The following NTN1 variants were observed in gnomAD, a reference collection of about 807,000 sequenced individuals.
NTN1 encodes the protein netrin 1, also known as netrin-1.
NTN1 carries 11 observed loss-of-function variants against 54.2 expected under a neutral mutation model. That is an observed-to-expected ratio of 0.20 (90% CI 0.13 to 0.34). The LOEUF (loss-of-function observed/expected upper bound fraction) is 0.34, where lower values mean the gene tolerates loss of function less well. Among genes scored for constraint, NTN1 ranks in the 10% least tolerant of loss-of-function variants. The pLI, the probability that NTN1 is intolerant of heterozygous loss-of-function variation, is 1.00. For missense variants in NTN1, 740 were observed against 893.1 expected (o/e 0.83, Z 2.18); for synonymous variants, 371 against 382.0 (o/e 0.97, Z 0.33).
Position 9,023,042 on chromosome 17 carries a change from G to T in NTN1, c.669G>T (p.Leu223=). Residue 223 remains leucine (L), a synonymous_variant, in exon 2 of 7, where the codon CTG becomes CTT. Transcript: ENST00000173229. The stretch of plus-strand genomic sequence containing the variant: ...GCGGCCTCATCGCCTTCAGCACGCT[G>T]GACGGGCGGCCCTCGGCGCACGACT... The part of the protein sequence containing the change: ...LSGGLIAFST[L]DGRPSAHDFD... 6.3e-7 allele frequency: 1 copy of T among 1,591,820 alleles called. No homozygotes were observed. The highest frequency in any genetic ancestry group is 8.5e-7 in the Non-Finnish European group (1 of 1,170,770).
chr17:9,081,051 G>A (rs1422992277), intron 2 of NTN1, among the ~76,000 whole-genome samples: 5 of 152,206 alleles, frequency 3.3e-5, no homozygotes, highest in Admixed American at 3.3e-4. Flanking sequence ...TTGGTCAGAA[G>A]CACAAGTAAA....
intron 6 of NTN1, among the ~76,000 whole-genome samples, chr17:9,226,646 G>A (rs1006010851): frequency 2.0e-5 from 3 of 152,126 alleles, no homozygotes; most frequent in African/African-American, 7.2e-5. Flanking sequence ...GAGGAGAGCC[G>A]CCAGGGAGGC....
At chr17:9,140,006 G>T (rs2092292942) in intron 2 of NTN1, among the ~76,000 whole-genome samples, 1 of 151,556 alleles carries the variant, frequency 6.6e-6, no homozygotes, top group Admixed American at 6.6e-5. Context: ...TTACTCTGTG[G>T]TCCACTCTTA....
At chr17:9,160,379 A>G (rs1000505787) in intron 2 of NTN1, among the ~76,000 whole-genome samples, 2 of 152,188 alleles carry the variant, frequency 1.3e-5, no homozygotes, top group African/African-American at 4.8e-5. Flanking sequence ...TGCTGGGATT[A>G]TAGCTGTGAG....
At chr17:9,095,933 G>A (rs71371889) in intron 2 of NTN1, among the ~76,000 whole-genome samples, 27,429 of 151,878 alleles carry the variant, frequency 0.18, 2,643 homozygotes, top group Non-Finnish European at 0.21. Flanking sequence ...CCGAGTAGCT[G>A]GGATTACAGG....
At chr17:9,119,586 ACTCCTGGGCGTAAATGATC>A (rs71361862) in intron 2 of NTN1, among the ~76,000 whole-genome samples, 9,405 of 152,014 alleles carry the variant, frequency 0.062, 405 homozygotes, top group Non-Finnish European at 0.095. Flanking sequence ...GCAGCCTCAA[ACTCCTGGGCGTAAATGATC>A]CTCCTGCTTC....
intron 2 of NTN1, among the ~76,000 whole-genome samples, chr17:9,076,881 G>T (rs972593305): frequency 2.6e-5 from 4 of 152,222 alleles, no homozygotes; most frequent in African/African-American, 4.8e-5. Context: ...TGTCCCTGAG[G>T]ACTCAGCCCC....
In NTN1 at chr17:9,239,647, G is replaced by T. The variant is rs748416143; in HGVS notation, c.1494G>T (p.Gln498His). The change falls in exon 7 of 7, where the codon CAG becomes CAT. Residue 498 changes from glutamine (Q) to histidine (H), a missense_variant. Gln to His is a conservative substitution (Grantham distance 24). Coordinates refer to ENST00000173229, the MANE Select transcript of NTN1 (RefSeq NM_004822.3). This position sits in a 1 kb window ranked among gnomAD's most constrained non-coding sequence, Gnocchi z 5.2. ...GCCTGTGCTTCCTTGCAGCCGTCCA[G>T]ATCCACATCCTGAAGGCGGACAAGG... Reference protein sequence around the residue: ...KKYCKKDYAVQIHILKADKAG... With the variant: ...KKYCKKDYAVHIHILKADKAG... The T allele has an allele frequency of 4.4e-6, 7 of 1,608,598 alleles. No individual in the cohort carries two copies. The highest frequency in any genetic ancestry group is 6.0e-6 in the Non-Finnish European group (7 of 1,175,470).
intron 3 of NTN1, chr17:9,174,429 A>C (rs894758016): frequency 1.3e-5 from 2 of 152,440 alleles, no homozygotes; most frequent in Admixed American, 1.3e-4. Context: ...GCAGGCTGCA[A>C]AGTGCCTCAG....
At chr17:9,110,271 C>CT (rs11386128) in intron 2 of NTN1, among the ~76,000 whole-genome samples, 104,306 of 147,158 alleles carry the variant, frequency 0.71, 37,144 homozygotes, top group East Asian at 0.95. Flanking sequence ...CCTCCTGCCT[C>CT]TTTTTTTTTT....
intron 5 of NTN1, among the ~76,000 whole-genome samples, chr17:9,199,435 C>T (rs1465956417): frequency 6.6e-6 from 1 of 152,384 alleles, no homozygotes; most frequent in South Asian, 2.1e-4. Context: ...AGCCATTGCA[C>T]CCGGCCCTGC....
At chr17:9,129,040 C>T (rs899665166) in intron 2 of NTN1, among the ~76,000 whole-genome samples, 3 of 152,172 alleles carry the variant, frequency 2.0e-5, no homozygotes, top group Non-Finnish European at 4.4e-5. Context: ...GCTCTGTGAT[C>T]CCCGAGTCCC....
intron 2 of NTN1, among the ~76,000 whole-genome samples, chr17:9,091,844 T>A (rs1187990327): frequency 6.6e-6 from 1 of 152,130 alleles, no homozygotes; most frequent in African/African-American, 2.4e-5. Context: ...ACTTCCTAAA[T>A]TGAAACTCTA....
chr17:9,141,134 C>T (rs574086119), intron 2 of NTN1, among the ~76,000 whole-genome samples: 14 of 151,814 alleles, frequency 9.2e-5, no homozygotes, highest in South Asian at 6.3e-4. Flanking sequence ...TGGATAGACA[C>T]GTCAGAAGCT....
intron 2 of NTN1, among the ~76,000 whole-genome samples, chr17:9,097,251 C>T (rs1443715535): frequency 1.3e-5 from 2 of 152,202 alleles, no homozygotes; most frequent in Admixed American, 6.5e-5. Flanking sequence ...CCTATGCCGA[C>T]GCTTGTTCAC....
rs928752547 is a variant in NTN1, at chr17:9,021,530, C to A, written c.-119C>A. ...CCCTCACTCCCAGCGCGAGTGGCGGCGGCGGCGGAGCCTTCGGGGGCGAGC... is the reference window on the plus strand; with the variant it reads ...CCCTCACTCCCAGCGCGAGTGGCGGAGGCGGCGGAGCCTTCGGGGGCGAGC... On this transcript the variant is annotated 5_prime_UTR_variant, in exon 1 of 7. Coordinates refer to ENST00000173229, the MANE Select transcript of NTN1 (RefSeq NM_004822.3). 12 of 152,104 alleles carry A rather than the reference C, an allele frequency of 7.9e-5. No individual in the cohort carries two copies. Among genetic ancestry groups the A allele is most frequent in the African/African-American group, 2.4e-4 (10 of 41,468 alleles). 9.4% of individuals were successfully genotyped at this position (152,104 alleles called of 1,614,324 possible). A position where few individuals can be genotyped will look rare whatever the true frequency, so the allele number is the denominator to read the frequency against.
intron 5 of NTN1, among the ~76,000 whole-genome samples, chr17:9,210,146 A>G (rs531287095): frequency 2.6e-5 from 4 of 151,656 alleles, no homozygotes; most frequent in Non-Finnish European, 4.4e-5. Context: ...CGTGCAAGGA[A>G]CTCCAACTTT....
intron 2 of NTN1, among the ~76,000 whole-genome samples, chr17:9,161,233 G>A (rs542876817): frequency 4.6e-5 from 7 of 152,274 alleles, no homozygotes; most frequent in African/African-American, 1.7e-4. Context: ...ACCAAGACCT[G>A]GGGGATGAGA....
chr17:9,119,486 CTTAT>C (rs71361861), intron 2 of NTN1, among the ~76,000 whole-genome samples: 29,855 of 149,674 alleles, frequency 0.2, 3,238 homozygotes, highest in African/African-American at 0.29. Flanking sequence ...CCGTGCCTGG[CTTAT>C]TTATTTATTT....
Sources: gnomAD v4.1 joint callset for allele counts (sites outside exome capture counted in the v4.1 genomes callset) on GRCh38, gnomAD v4.1.1 for gene constraint, Gnocchi (gnomAD v3.1) non-coding constraint, MANE v1.5 for transcripts, NCBI Gene and HGNC (gene_info 2026-07-23, HGNC 2026-07-21) for gene names.